GALNTL6: variants seen among roughly 807,000 people sequenced by gnomAD.
GALNTL6 encodes the protein polypeptide N-acetylgalactosaminyltransferase-like 6.
Under a neutral mutation model 73.7 loss-of-function variants are expected in GALNTL6, and 46 were observed. The observed-to-expected ratio is 0.62, with a 90% CI of 0.49 to 0.80. The LOEUF (loss-of-function observed/expected upper bound fraction) is 0.80, where lower values mean the gene tolerates loss of function less well. GALNTL6 is among the 30% of genes least tolerant of loss of function. GALNTL6 has a pLI of 0.00. For synonymous variants in GALNTL6, 259 were observed against 263.7 expected, an observed-to-expected ratio of 0.98 and a Z score of 0.17; for missense variants, 604 against 755.0, an observed-to-expected ratio of 0.80 and a Z score of 2.34.
At chr4:172,388,856 C>T (rs7688719) in intron 5 of GALNTL6, among the ~76,000 whole-genome samples, 4,771 of 151,986 alleles carry the variant, frequency 0.031, 241 homozygotes, top group African/African-American at 0.11. Context: ...TACATGACAT[C>T]CTCCCAAAAA....
At chr4:171,818,023 G>A (rs1214410854) in intron 2 of GALNTL6, among the ~76,000 whole-genome samples, 1 of 151,142 alleles carries the variant, frequency 6.6e-6, no homozygotes, top group Non-Finnish European at 1.5e-5. Context: ...ATGTCATTTA[G>A]AAATATATAT....
At chr4:172,254,534 G>A (rs562945288) in intron 3 of GALNTL6, among the ~76,000 whole-genome samples, 15 of 151,454 alleles carry the variant, frequency 9.9e-5, no homozygotes, top group Non-Finnish European at 2.1e-4. Flanking sequence ...CTCATACACA[G>A]GACCTGGAAA....
At chr4:172,815,995 A>G (rs1741584270) in intron 7 of GALNTL6, among the ~76,000 whole-genome samples, 1 of 152,226 alleles carries the variant, frequency 6.6e-6, no homozygotes, top group South Asian at 2.1e-4. Context: ...TTATCACGGC[A>G]GTCACCTGAA....
intron 5 of GALNTL6, among the ~76,000 whole-genome samples, chr4:172,785,121 C>A (rs569547313): frequency 6.6e-6 from 1 of 152,168 alleles, no homozygotes; most frequent in East Asian, 1.9e-4. Flanking sequence ...AGAGTTATAT[C>A]CTTCTTAACT....
chr4:171,840,051 T>C lies in GALNTL6; in HGVS notation c.138+25333T>C, dbSNP rs527929440. Among the ~76,000 whole-genome samples, 6 of 152,286 alleles carry C rather than the reference T, an allele frequency of 3.9e-5. No homozygotes were observed. The East Asian group carries it at 7.7e-4, about 20-fold the overall frequency. On this transcript the variant is annotated intron_variant, in intron 2 of 12. Transcript: ENST00000506823. Reference sequence around the variant, plus strand: ...AATGACCTTAGGCTAGGTAAATTACTGAAGTAGTGCCGGCCAGGGATATTT... The same window carrying C: ...AATGACCTTAGGCTAGGTAAATTACCGAAGTAGTGCCGGCCAGGGATATTT...
intron 5 of GALNTL6, among the ~76,000 whole-genome samples, chr4:172,655,550 C>T (rs990118877): frequency 6.6e-6 from 1 of 152,102 alleles, no homozygotes; most frequent in South Asian, 2.1e-4. Flanking sequence ...TCCAAATATA[C>T]ACAGCTCATA....
At chr4:171,929,730 C>T (rs975066110) in intron 2 of GALNTL6, among the ~76,000 whole-genome samples, 4 of 152,304 alleles carry the variant, frequency 2.6e-5, no homozygotes, top group Non-Finnish European at 4.4e-5. Context: ...GGCATTCACA[C>T]GCACCCACCC....
At chr4:172,528,322 ATATATAT>A (rs1561123390) in intron 5 of GALNTL6, among the ~76,000 whole-genome samples, 18 of 7,918 alleles carry the variant, frequency 2.3e-3, no homozygotes, top group African/African-American at 4.1e-3. Flanking sequence ...GAAATAAAAT[ATATATAT>A]ATATATATAT....
chr4:172,336,527 G>A (rs974643134), intron 4 of GALNTL6, among the ~76,000 whole-genome samples: 7 of 150,900 alleles, frequency 4.6e-5, no homozygotes, highest in East Asian at 1.9e-4. Context: ...CGCCCACCTC[G>A]GCCTCCCAAA....
At chr4:172,461,540 G>A (rs337050) in intron 5 of GALNTL6, among the ~76,000 whole-genome samples, 133,197 of 152,126 alleles carry the variant, frequency 0.88, 58,322 homozygotes, top group African/African-American at 0.88. Flanking sequence ...TGCTCCTCTC[G>A]CCACTTTTAT....
At chr4:171,921,929 A>G (rs1459317819) in intron 2 of GALNTL6, among the ~76,000 whole-genome samples, 1 of 152,072 alleles carries the variant, frequency 6.6e-6, no homozygotes, top group Non-Finnish European at 1.5e-5. Context: ...ATATTATGTT[A>G]TGATTATTTT....
At chr4:172,271,903 C>T (rs956593186) in intron 3 of GALNTL6, among the ~76,000 whole-genome samples, 1 of 151,380 alleles carries the variant, frequency 6.6e-6, no homozygotes, top group Non-Finnish European at 1.5e-5. Context: ...TTTGTGTTTG[C>T]TTTTTTGAAA....
At chr4:172,312,718 C>A (rs1248248768) in intron 4 of GALNTL6, among the ~76,000 whole-genome samples, 1 of 152,016 alleles carries the variant, frequency 6.6e-6, no homozygotes, top group Non-Finnish European at 1.5e-5. Flanking sequence ...AGATAATTGA[C>A]CCTTTAGAAA....
chr4:172,330,182 G>T (rs144995317), intron 4 of GALNTL6, among the ~76,000 whole-genome samples: 2 of 152,184 alleles, frequency 1.3e-5, no homozygotes, highest in Non-Finnish European at 2.9e-5. Context: ...AGTTGCAACC[G>T]CTTTTGCTGA....
chr4:171,836,769 G>A (rs1247548507), intron 2 of GALNTL6, among the ~76,000 whole-genome samples: 1 of 152,106 alleles, frequency 6.6e-6, no homozygotes. Context: ...AGAGTTGGGT[G>A]ATGGCTATGA....
At chr4:172,870,523 C>G (rs147312585) in intron 7 of GALNTL6, among the ~76,000 whole-genome samples, 4 of 152,316 alleles carry the variant, frequency 2.6e-5, no homozygotes, top group Admixed American at 1.3e-4. Flanking sequence ...AATAGCCTTT[C>G]GCTTTGGCCC....
intron 5 of GALNTL6, among the ~76,000 whole-genome samples, chr4:172,605,989 C>T (rs1738241468): frequency 7.0e-6 from 1 of 142,668 alleles, no homozygotes; most frequent in East Asian, 2.3e-4. Context: ...TGGCTCCACC[C>T]CATTCTCCCA....
chr4:172,842,753 T>A (rs2111086758), intron 7 of GALNTL6, among the ~76,000 whole-genome samples: 1 of 137,970 alleles, frequency 7.2e-6, no homozygotes, highest in African/African-American at 2.9e-5. Context: ...TCATATGTCA[T>A]TTTTTTTTTT....
At chr4:171,875,003 AAAC>A (rs145499459) in intron 2 of GALNTL6, among the ~76,000 whole-genome samples, 141 of 152,292 alleles carry the variant, frequency 9.3e-4, no homozygotes, top group Non-Finnish European at 1.8e-3. Flanking sequence ...ACAAAACAAA[AAAC>A]AACAACAACA....
Sources: allele counts gnomAD v4.1 joint callset (sites outside exome capture counted in the v4.1 genomes callset), GRCh38; gene constraint gnomAD v4.1.1; transcripts MANE v1.5; gene names NCBI Gene and HGNC (gene_info 2026-07-23, HGNC 2026-07-21).